The following SMYD3 variants were observed in gnomAD, a reference collection of about 807,000 sequenced individuals.
SMYD3 encodes the protein SET and MYND domain containing 3.
In SMYD3, 36 loss-of-function variants were observed where a neutral mutation model predicts 57.7. That is an observed-to-expected ratio of 0.62 (90% CI 0.48 to 0.82). The LOEUF (loss-of-function observed/expected upper bound fraction) is 0.82, where lower values mean the gene tolerates loss of function less well. Ranked by LOEUF, SMYD3 falls within the 40% of genes least tolerant of loss-of-function variation. The pLI, the probability that SMYD3 is intolerant of heterozygous loss-of-function variation, is 0.00. For synonymous variants in SMYD3, 211 were observed against 195.0 expected (o/e 1.08, Z -0.68); for missense variants, 515 against 538.8 (o/e 0.96, Z 0.44).
At chr1:246,086,355 C>T (rs555684838) in intron 5 of SMYD3, among the ~76,000 whole-genome samples, 8 of 152,172 alleles carry the variant, frequency 5.3e-5, no homozygotes, top group East Asian at 3.9e-4. Context: ...ACAGTTTTTG[C>T]GCCTGCCTAA....
rs367585805 is a variant in SMYD3 at position 246,276,597 on chromosome 1, C to T, written c.531+50604G>A. 8.5e-4 allele frequency among the ~76,000 whole-genome samples: 126 copies of T among 148,474 alleles called. 1 individual carries two copies. Among genetic ancestry groups the T allele is most frequent in the African/African-American group, 2.8e-3 (113 of 39,992 alleles). On this transcript the variant is annotated intron_variant, in intron 5 of 11. Transcript: ENST00000490107. ...GATGCCCATGTTTGAACACTAACTCCATTTTTTCACTACCCGTATTAACAC... is the reference window on the plus strand; with the variant it reads ...GATGCCCATGTTTGAACACTAACTCTATTTTTTCACTACCCGTATTAACAC...
intron 5 of SMYD3, among the ~76,000 whole-genome samples, chr1:246,197,816 G>A (rs143432244): frequency 1.3e-5 from 2 of 152,078 alleles, no homozygotes; most frequent in African/African-American, 2.4e-5. Flanking sequence ...AGAATATATA[G>A]GGGAACACTC....
intron 5 of SMYD3, among the ~76,000 whole-genome samples, chr1:246,150,773 C>T (rs1232722932): frequency 1.3e-5 from 2 of 152,290 alleles, no homozygotes; most frequent in Middle Eastern, 3.4e-3. Flanking sequence ...CCAGAAAACC[C>T]TGTCCACATT....
chr1:246,436,923 CAG>C (rs2067386751), intron 1 of SMYD3, among the ~76,000 whole-genome samples: 1 of 121,398 alleles, frequency 8.2e-6, no homozygotes, highest in Non-Finnish European at 1.6e-5. Context: ...TTTTTTGAGA[CAG>C]AGTTTTCACT....
At chr1:245,965,016 T>C (rs1474287820) in intron 5 of SMYD3, among the ~76,000 whole-genome samples, 1 of 152,156 alleles carries the variant, frequency 6.6e-6, no homozygotes, top group South Asian at 2.1e-4. Flanking sequence ...AAACTACCTC[T>C]GGGCATATCA....
chr1:245,793,155 A>C (rs2047365694), intron 10 of SMYD3, among the ~76,000 whole-genome samples: 1 of 149,212 alleles, frequency 6.7e-6, no homozygotes, highest in African/African-American at 2.5e-5. Context: ...TAAAAATACA[A>C]AAAATGAGCC....
chr1:245,819,127 T>C (rs1297899099), intron 10 of SMYD3, among the ~76,000 whole-genome samples: 2 of 143,932 alleles, frequency 1.4e-5, no homozygotes, highest in African/African-American at 5.3e-5. Flanking sequence ...ATTCCAAAAT[T>C]GATCACATAG....
In SMYD3 at chr1:245,764,096, C is replaced by A. The variant is rs750382283; in HGVS notation, c.1130G>T (p.Gly377Val). The A allele has an allele frequency of 6.2e-7, 1 of 1,614,046 alleles. No individual in the cohort carries two copies. Among genetic ancestry groups the A allele is most frequent in the Admixed American group, 1.7e-5 (1 of 60,020 alleles). ...CATGCCTTGATGTAGCTGCAGTTTGCCAACTTTCATCACTTGAACCCCTCT... is the reference window on the plus strand; with the variant it reads ...CATGCCTTGATGTAGCTGCAGTTTGACAACTTTCATCACTTGAACCCCTCT... ...PVRGVQVMKVGKLQLHQGMFP... is the reference protein window; with the variant it reads ...PVRGVQVMKVVKLQLHQGMFP... The change falls in exon 11 of 12, where the codon GGC becomes GTC. Residue 377 changes from glycine to valine, a missense_variant. By Grantham distance (109) the Gly-to-Val change is moderately radical. Transcript: ENST00000490107.
At chr1:246,072,894 A>G (rs2060483757) in intron 5 of SMYD3, among the ~76,000 whole-genome samples, 2 of 152,226 alleles carry the variant, frequency 1.3e-5, no homozygotes, top group African/African-American at 4.8e-5. Context: ...GTGCATGTAC[A>G]TAAAAACACT....
chr1:246,221,720 T>C (rs942845665), intron 5 of SMYD3, among the ~76,000 whole-genome samples: 2 of 152,192 alleles, frequency 1.3e-5, no homozygotes, highest in African/African-American at 4.8e-5. Flanking sequence ...GACCGCACAG[T>C]GGGCGGACCC....
At chr1:245,902,205 G>A (rs879884015) in intron 8 of SMYD3, among the ~76,000 whole-genome samples, 14 of 152,160 alleles carry the variant, frequency 9.2e-5, no homozygotes, top group Non-Finnish European at 2.1e-4. Context: ...AGCCCACACT[G>A]TGTCCTATAC....
Position 245,798,422 on chromosome 1 carries a change from ACCCC to A in SMYD3, c.1077-34277_1077-34274del, listed in dbSNP as rs375194447. 2.0e-3 allele frequency among the ~76,000 whole-genome samples: 42 copies of A among 21,480 alleles called. No individual in the cohort carries two copies. In the East Asian group the frequency reaches 0.041, roughly 21 times the overall value. 14.1% of individuals were successfully genotyped at this position (21,480 alleles called of 152,430 possible). A position where few individuals can be genotyped will look rare whatever the true frequency, so the allele number is the denominator to read the frequency against. On this transcript the variant is annotated intron_variant, in intron 10 of 11. Coordinates refer to ENST00000490107, the MANE Select transcript of SMYD3 (RefSeq NM_001167740.2). The stretch of plus-strand genomic sequence containing the variant: ...CACACACACATACACACACATACAC[ACCCC>A]CACACACATACACACACATAAAAAT...
chr1:246,137,851 TCTA>T (rs1409277567), intron 5 of SMYD3, among the ~76,000 whole-genome samples: 17 of 152,150 alleles, frequency 1.1e-4, no homozygotes, highest in Admixed American at 2.0e-4. Flanking sequence ...TGTATATAAT[TCTA>T]CTACTGAGTT....
chr1:246,173,199 C>T (rs6670478), intron 5 of SMYD3, among the ~76,000 whole-genome samples: 10,339 of 149,850 alleles, frequency 0.069, 484 homozygotes, highest in African/African-American at 0.13. Flanking sequence ...AGGCCTAGAA[C>T]ACTCACTGTA....
intron 2 of SMYD3, among the ~76,000 whole-genome samples, chr1:246,348,370 C>G (rs1016640531): frequency 6.6e-6 from 1 of 151,744 alleles, no homozygotes; most frequent in Non-Finnish European, 1.5e-5. Context: ...GAGCCTAGAT[C>G]GTGCCACTGC....
At chr1:246,152,498 G>C (rs2061956330) in intron 5 of SMYD3, among the ~76,000 whole-genome samples, 1 of 152,226 alleles carries the variant, frequency 6.6e-6, no homozygotes. Flanking sequence ...CTCACTCAGA[G>C]CAAGTGCAGA....
intron 5 of SMYD3, among the ~76,000 whole-genome samples, chr1:246,283,550 A>T (rs73142845): frequency 0.04 from 6,078 of 152,290 alleles, 410 homozygotes; most frequent in African/African-American, 0.14. Context: ...TCATGCATAA[A>T]TAACGTCCTC....
intron 1 of SMYD3, among the ~76,000 whole-genome samples, chr1:246,418,672 C>T (rs960911613): frequency 4.6e-5 from 7 of 152,122 alleles, no homozygotes; most frequent in Non-Finnish European, 1.0e-4. Context: ...GATGGGGGAG[C>T]CAGAAGGGAA....
chr1:245,801,068 CG>C, intron 10 of SMYD3, among the ~76,000 whole-genome samples: 1 of 152,274 alleles, frequency 6.6e-6, no homozygotes, highest in East Asian at 1.9e-4. Context: ...GAACTGACTA[CG>C]TCTTATTTGA....
Sources: gnomAD v4.1 joint callset for allele counts (sites outside exome capture counted in the v4.1 genomes callset) on GRCh38, gnomAD v4.1.1 for gene constraint, MANE v1.5 for transcripts, NCBI Gene and HGNC (gene_info 2026-07-23, HGNC 2026-07-21) for gene names.